Variants in C10orf88 observed in about 807,000 individuals in gnomAD.
C10orf88 encodes ATPase PAAT.
Under a neutral mutation model 34.2 loss-of-function variants are expected in C10orf88, and 29 were observed. The observed-to-expected ratio is 0.85, with a 90% CI of 0.63 to 1.16. The LOEUF (loss-of-function observed/expected upper bound fraction) is 1.16. Among genes scored for constraint, C10orf88 ranks in the 50% most tolerant of loss-of-function variants. The probability of loss-of-function intolerance (pLI) is 0.00; values close to 1 mark genes in which losing one functional copy is unlikely to be tolerated. For missense variants in C10orf88, 507 were observed against 533.2 expected (o/e 0.95, Z 0.48); for synonymous variants, 194 against 197.4 (o/e 0.98, Z 0.15).
intron 4 of C10orf88, among the ~76,000 whole-genome samples, chr10:122,947,049 G>A (rs777209244): frequency 1.9e-4 from 29 of 152,112 alleles, no homozygotes; most frequent in Non-Finnish European, 3.8e-4. Flanking sequence ...CACAGGAGAA[G>A]GATGAGATCC....
intron 4 of C10orf88, among the ~76,000 whole-genome samples, chr10:122,941,003 A>T (rs572885359): frequency 6.6e-6 from 1 of 152,082 alleles, no homozygotes; most frequent in Non-Finnish European, 1.5e-5. Flanking sequence ...ATCTTTAAAT[A>T]TATTGTAGGA....
At chr10:122,953,743 G>GGGGCTATCACGCCTGAT (rs1305248266) in intron 1 of C10orf88, among the ~76,000 whole-genome samples, 1 of 145,822 alleles carries the variant, frequency 6.9e-6, no homozygotes, top group African/African-American at 2.6e-5. Flanking sequence ...GCAGCCCTGA[G>GGGGCTATCACGCCTGAT]GGGCTATCAC....
chr10:122,932,622 A>T lies in C10orf88; in HGVS notation c.1143T>A (p.Ile381=), dbSNP rs1340280334. ...CCATCAGTTCCATATTTTTAGAAAG[A>T]ATCTTTTCCAAGTAGGAGCAAATAG... ...EQSICSYLEK[I]LSKNMELMEK... Residue 381 remains isoleucine (I), a synonymous_variant, in exon 6 of 6, where the codon ATT becomes ATA. Transcript: ENST00000481909. The T allele has an allele frequency of 5.0e-6, 8 of 1,612,926 alleles. No homozygotes were observed. Among genetic ancestry groups the T allele is most frequent in the African/African-American group, 1.3e-5 (1 of 74,908 alleles).
chr10:122,932,413 T>C lies in C10orf88; in HGVS notation c.*14A>G. 1.3e-6 allele frequency: 2 copies of C among 1,590,838 alleles called. No homozygotes were observed. Among genetic ancestry groups the C allele is most frequent in the Non-Finnish European group, 1.7e-6 (2 of 1,160,620 alleles). On this transcript the variant is annotated 3_prime_UTR_variant, in exon 6 of 6. Transcript: ENST00000481909. ...TGTAATAAATATCTGCAGTACACTGTTTATGTTGAGAGCTTATCTTTCTCC... is the reference window on the plus strand; with the variant it reads ...TGTAATAAATATCTGCAGTACACTGCTTATGTTGAGAGCTTATCTTTCTCC...
At chr10:122,953,966 C>T (rs1325202159) in intron 1 of C10orf88, 49 bp downstream of exon 1, 7 of 1,468,778 alleles carry the variant, frequency 4.8e-6, no homozygotes, top group East Asian at 2.8e-5. Context: ...CCCCTAGAAG[C>T]GCGGCAGTTG....
At chr10:122,939,525 A>C (rs1042877094) in intron 4 of C10orf88, among the ~76,000 whole-genome samples, 1 of 151,976 alleles carries the variant, frequency 6.6e-6, no homozygotes, top group Non-Finnish European at 1.5e-5. Context: ...GCACTTTGGA[A>C]AAGTGCTCTT....
intron 4 of C10orf88, among the ~76,000 whole-genome samples, chr10:122,943,151 G>C (rs1308112600): frequency 6.7e-6 from 1 of 148,634 alleles, no homozygotes; most frequent in Non-Finnish European, 1.5e-5. Context: ...AACCAAAACA[G>C]CATGGTACTG....
chr10:122,954,124 A>C lies in C10orf88; in HGVS notation c.55T>G (p.Ser19Ala), dbSNP rs750232025. The C allele has an allele frequency of 3.1e-6, 5 of 1,589,784 alleles. No homozygotes were observed. The highest frequency in any genetic ancestry group is 1.4e-5 in the African/African-American group (1 of 73,574). ...AGGGCCCCGCCTGCAACATCCCAAG[A>C]AGAGGCCAGCGTGGGGCGGCGGGTG... is the stretch of plus-strand genomic sequence containing the variant. ...GLTRRPTLAS[S>A]WDVAGGALTH... The change falls in exon 1 of 6, where the codon TCT (serine) becomes GCT (alanine). Residue 19 changes from serine to alanine, a missense_variant. Physicochemically the swap from Ser to Ala is moderately conservative, Grantham distance 99. Transcript: ENST00000481909.
chr10:122,937,356 G>A (rs1848542871), intron 5 of C10orf88, among the ~76,000 whole-genome samples: 1 of 151,854 alleles, frequency 6.6e-6, no homozygotes, highest in South Asian at 2.1e-4. Context: ...AACATACCCA[G>A]GCACAAAATA....
Position 122,954,111 on chromosome 10 carries a change from G to C in C10orf88, c.68C>G (p.Ala23Gly). Reference sequence around the variant, plus strand: ...GAGGCTGTGGGTCAGGGCCCCGCCTGCAACATCCCAAGAAGAGGCCAGCGT... The same window carrying C: ...GAGGCTGTGGGTCAGGGCCCCGCCTCCAACATCCCAAGAAGAGGCCAGCGT... ...RPTLASSWDV[A>G]GGALTHSLLL... Residue 23 changes from alanine to glycine, a missense_variant, in exon 1 of 6, where the codon GCA becomes GGA. Ala to Gly is a moderately conservative substitution (Grantham distance 60). Transcript: ENST00000481909. 1.3e-6 allele frequency: 2 copies of C among 1,588,602 alleles called. No homozygotes were observed. Among genetic ancestry groups the C allele is most frequent in the Non-Finnish European group, 1.7e-6 (2 of 1,171,008 alleles).
rs374314809 is a variant in C10orf88 at position 122,935,796 on chromosome 10, T to G, written c.1103+1909A>C. 2.6e-5 allele frequency among the ~76,000 whole-genome samples: 4 copies of G among 151,816 alleles called. No individual in the cohort carries two copies. The East Asian group carries it at 7.7e-4, about 29-fold the overall frequency. On this transcript the variant is annotated intron_variant, in intron 5 of 5. Transcript: ENST00000481909. The stretch of plus-strand genomic sequence containing the variant: ...CAGTTTTTAGGGCTTTTCTTTTCCT[T>G]TGTCAGTATTTTATAATTTTCATTT...
chr10:122,932,720 T>G, intron 5 of C10orf88, 59 bp from the exon 6 acceptor site: 2 of 1,194,948 alleles, frequency 1.7e-6, no homozygotes, highest in South Asian at 1.5e-5. Context: ...CAACCAAGCT[T>G]ATAAAACAAG....
Position 122,948,642 on chromosome 10 carries a change from T to G in C10orf88, c.648+7A>C, listed in dbSNP as rs759269604. On this transcript the variant is annotated splice_region_variant and intron_variant, in intron 4 of 5. Coordinates refer to ENST00000481909, the MANE Select transcript of C10orf88 (RefSeq NM_024942.4). ...TGTTATCTGGAAAGAAATCCATTTC[T>G]ACTTACCCGCTGCTGACACCTAACC... 5.0e-6 allele frequency: 8 copies of G among 1,611,776 alleles called. No homozygotes were observed. Among genetic ancestry groups the G allele is most frequent in the African/African-American group, 1.3e-5 (1 of 74,858 alleles).
In C10orf88 at chr10:122,945,073, T is replaced by C. The variant is rs145613571; in HGVS notation, c.648+3576A>G. On this transcript the variant is annotated intron_variant, in intron 4 of 5. Transcript: ENST00000481909. ...ATATGTATATAGATATATGCATGTA[T>C]ATATACGTATATATATATGTATGTA... Among the ~76,000 whole-genome samples the C allele has an allele frequency of 1.4e-3, 206 of 151,112 alleles. 1 individual carries two copies. The highest frequency in any genetic ancestry group is 4.8e-3 in the African/African-American group (197 of 41,282).
intron 5 of C10orf88, among the ~76,000 whole-genome samples, chr10:122,935,227 C>T (rs181698019): frequency 6.6e-6 from 1 of 152,088 alleles, no homozygotes; most frequent in Admixed American, 6.5e-5. Context: ...TATCTGAGAA[C>T]TCATTTCCTA....
At position 122,932,502 on chromosome 10, in the gene C10orf88, A is replaced by G; in HGVS notation, c.1263T>C (p.Asn421=). The stretch of plus-strand genomic sequence containing the variant: ...GTATCCCAGTGGGCGGGGAGTTAGG[A>G]TTTTGCAGCAAATCCAGTAACAAAG... ...KIALLLDLLQ[N]PNSPPTGIPL... Residue 421 remains asparagine (N), a synonymous_variant, in exon 6 of 6, where the codon AAT becomes AAC. Coordinates refer to ENST00000481909, the MANE Select transcript of C10orf88 (RefSeq NM_024942.4). The G allele has an allele frequency of 1.2e-6, 2 of 1,613,972 alleles. No individual in the cohort carries two copies. Among genetic ancestry groups the G allele is most frequent in the Non-Finnish European group, 1.7e-6 (2 of 1,179,980 alleles).
At chr10:122,943,687 A>G (rs1406409757) in intron 4 of C10orf88, among the ~76,000 whole-genome samples, 1 of 152,122 alleles carries the variant, frequency 6.6e-6, no homozygotes, top group Non-Finnish European at 1.5e-5. Context: ...AGAAAAAAAC[A>G]AACAACCCCA....
intron 5 of C10orf88, chr10:122,933,356 G>C (rs149260407): frequency 2.0e-5 from 3 of 152,200 alleles, no homozygotes; most frequent in Admixed American, 6.6e-5. Flanking sequence ...GGTGGTGGGC[G>C]CCTGTAGTCC....
At chr10:122,938,315 G>A (rs1338493118) in intron 4 of C10orf88, among the ~76,000 whole-genome samples, 156 bp from the exon 5 acceptor site, 1 of 151,986 alleles carries the variant, frequency 6.6e-6, no homozygotes, top group African/African-American at 2.4e-5. Context: ...TTAAGCTGAG[G>A]AGACCAAGGC....
Sources: gnomAD v4.1 joint callset for allele counts (sites outside exome capture counted in the v4.1 genomes callset) on GRCh38, gnomAD v4.1.1 for gene constraint, MANE v1.5 for transcripts, NCBI Gene and HGNC (gene_info 2026-07-23, HGNC 2026-07-21) for gene names.